BCR: variants seen among roughly 807,000 people sequenced by gnomAD.
BCR encodes BCR activator of RhoGEF and GTPase.
A neutral mutation model predicts 138.6 loss-of-function variants in BCR; 58 were observed. The ratio of observed to expected loss-of-function variants is 0.42; its 90% confidence interval spans 0.34 to 0.52. BCR has a LOEUF of 0.52. Ranked by LOEUF, BCR falls within the 20% of genes least tolerant of loss-of-function variation. The pLI, the probability that BCR is intolerant of heterozygous loss-of-function variation, is 0.06. For missense variants in BCR, 1,599 were observed against 1,727.2 expected, an observed-to-expected ratio of 0.93 and a Z score of 1.32; for synonymous variants, 786 against 730.1, an observed-to-expected ratio of 1.08 and a Z score of -1.23.
intron 16 of BCR, among the ~76,000 whole-genome samples, chr22:23,305,054 C>T (rs2073942388): frequency 6.6e-6 from 1 of 151,268 alleles, no homozygotes; most frequent in Non-Finnish European, 1.5e-5. Context: ...GCAGAGGTTG[C>T]AGTCAGCCGA....
At chr22:23,243,773 G>T (rs570662381) in intron 1 of BCR, among the ~76,000 whole-genome samples, 1 of 151,934 alleles carries the variant, frequency 6.6e-6, no homozygotes, top group African/African-American at 2.4e-5. Flanking sequence ...CTCCCGAGTA[G>T]CTGGGACTAT....
At chr22:23,185,615 G>A (rs1057268406) in intron 1 of BCR, among the ~76,000 whole-genome samples, 1 of 151,370 alleles carries the variant, frequency 6.6e-6, no homozygotes, top group Non-Finnish European at 1.5e-5. Context: ...GCAGTGAGCC[G>A]AGATCGCTGG....
intron 4 of BCR, 141 bp from the exon 5 acceptor site, chr22:23,268,267 C>T (rs931697135): frequency 1.6e-5 from 10 of 615,946 alleles, no homozygotes; most frequent in South Asian, 2.2e-5. Context: ...GGGAGCAGCA[C>T]GGAAGCGCCG....
chr22:23,284,721 C>A (rs975154239), intron 9 of BCR, among the ~76,000 whole-genome samples: 1 of 152,208 alleles, frequency 6.6e-6, no homozygotes, highest in African/African-American at 2.4e-5. Flanking sequence ...GGATTTCAGT[C>A]CTGTCCTGTC....
chr22:23,244,121 C>G (rs1236801338), intron 1 of BCR, among the ~76,000 whole-genome samples: 1 of 152,164 alleles, frequency 6.6e-6, no homozygotes, highest in African/African-American at 2.4e-5. Flanking sequence ...CACATACTTA[C>G]TGGCAGAATG....
At chr22:23,207,052 T>C (rs1176579618) in intron 1 of BCR, among the ~76,000 whole-genome samples, 4 of 149,758 alleles carry the variant, frequency 2.7e-5, no homozygotes, top group Admixed American at 2.0e-4. Flanking sequence ...TATTCACTCA[T>C]CCATCCAAAC....
At chr22:23,210,422 GAAA>G (rs1050301471) in intron 1 of BCR, among the ~76,000 whole-genome samples, 4 of 101,824 alleles carry the variant, frequency 3.9e-5, no homozygotes, top group Admixed American at 3.1e-4. Flanking sequence ...GTCTCAAAAA[GAAA>G]AAAAAAAAAA....
At chr22:23,239,004 G>A (rs546895880) in intron 1 of BCR, among the ~76,000 whole-genome samples, 1 of 152,120 alleles carries the variant, frequency 6.6e-6, no homozygotes, top group Non-Finnish European at 1.5e-5. Flanking sequence ...ATGGAATCAT[G>A]TGTGGGCCCA....
chr22:23,301,547 C>G (rs570172483), intron 16 of BCR, among the ~76,000 whole-genome samples: 41 of 152,348 alleles, frequency 2.7e-4, no homozygotes, highest in African/African-American at 9.6e-4. Context: ...CTTGAAAAAT[C>G]CCTCCCTGAA....
At chr22:23,262,654 G>T in intron 4 of BCR, 1 of 490,650 alleles carries the variant, frequency 2.0e-6, no homozygotes, top group Non-Finnish European at 2.6e-6. Flanking sequence ...AGCTGCTCTT[G>T]GGCAGCCAGG....
At chr22:23,190,853 A>C (rs1266637668) in intron 1 of BCR, among the ~76,000 whole-genome samples, 1 of 152,136 alleles carries the variant, frequency 6.6e-6, no homozygotes, top group Non-Finnish European at 1.5e-5. Flanking sequence ...CTCCACATCC[A>C]AAAAGTAGGG....
At chr22:23,182,554 CA>C (rs1002269347) in intron 1 of BCR, among the ~76,000 whole-genome samples, 1 of 152,220 alleles carries the variant, frequency 6.6e-6, no homozygotes, top group African/African-American at 2.4e-5. Flanking sequence ...ATGCTTCAGG[CA>C]GTAACCTCCT....
At position 23,181,404 on chromosome 22, in the gene BCR, C is replaced by A. The variant is rs779857152; in HGVS notation, c.444C>A (p.Pro148=). The A allele has an allele frequency of 1.9e-6, 3 of 1,567,616 alleles. No homozygotes were observed. The highest frequency in any genetic ancestry group is 1.2e-5 in the South Asian group (1 of 85,976). The part of the protein sequence containing the change: ...ASGERDDRGP[P]ASVAALRSNF... ...GGGAACGGGACGACCGGGGACCCCC[C>A]GCCAGCGTGGCGGCGCTCAGGTCCA... Residue 148 remains proline, a synonymous_variant, in exon 1 of 23, where the codon CCC becomes CCA. Coordinates refer to ENST00000305877, the MANE Select transcript of BCR (RefSeq NM_004327.4).
Position 23,181,848 on chromosome 22 carries a change from C to G in BCR, c.888C>G (p.Leu296=). ...GMMEGEGKGP[L]LRSQSTSEQE... is the part of the protein sequence containing the mutation. ...TGGAAGGGGAGGGCAAGGGCCCGCT[C>G]CTGCGCAGCCAGAGCACCTCTGAGC... The change falls in exon 1 of 23, where the codon CTC becomes CTG. Residue 296 remains leucine (L), a synonymous_variant. Transcript: ENST00000305877. 2 of 1,612,544 alleles carry G rather than the reference C, an allele frequency of 1.2e-6. No homozygotes were observed. The highest frequency in any genetic ancestry group is 1.3e-5 in the African/African-American group (1 of 75,062).
intron 1 of BCR, 30 bp from the exon 2 acceptor site, chr22:23,253,769 C>G (rs1452523606): frequency 6.3e-7 from 1 of 1,592,038 alleles, no homozygotes; most frequent in Non-Finnish European, 8.6e-7. Context: ...TTCTCTGTCT[C>G]TAACACAGGA....
chr22:23,263,086 A>G (rs2073387646), intron 4 of BCR: 3 of 706,076 alleles, frequency 4.2e-6, no homozygotes, highest in African/African-American at 1.8e-5. Context: ...GGAAGAGTAC[A>G]AGGACAAGGA....
intron 1 of BCR, among the ~76,000 whole-genome samples, chr22:23,237,107 T>C (rs182858202): frequency 3.0e-4 from 46 of 152,366 alleles, no homozygotes; most frequent in African/African-American, 1.0e-3. Flanking sequence ...TCCTGGCGTG[T>C]CTGCAGTGGC....
At chr22:23,278,733 CA>C (rs567063864) in intron 8 of BCR, among the ~76,000 whole-genome samples, 6 of 150,598 alleles carry the variant, frequency 4.0e-5, no homozygotes, top group Non-Finnish European at 5.9e-5. Context: ...AATTCCGTCT[CA>C]AAAAAAAAGA....
intron 1 of BCR, among the ~76,000 whole-genome samples, chr22:23,191,123 G>T (rs1040911612): frequency 6.6e-6 from 1 of 152,092 alleles, no homozygotes; most frequent in African/African-American, 2.4e-5. Context: ...TTGAGACAGG[G>T]TCTTGCTTTG....
Sources: gnomAD v4.1 joint callset for allele counts (sites outside exome capture counted in the v4.1 genomes callset) on GRCh38, gnomAD v4.1.1 for gene constraint, MANE v1.5 for transcripts, NCBI Gene and HGNC (gene_info 2026-07-23, HGNC 2026-07-21) for gene names.